CSNK2A2: variants seen among roughly 807,000 people sequenced by gnomAD.
CSNK2A2 encodes casein kinase II subunit alpha'.
Under a neutral mutation model 54.0 loss-of-function variants are expected in CSNK2A2, and 8 were observed. The observed-to-expected ratio is 0.15, with a 90% CI of 0.09 to 0.27. The LOEUF (loss-of-function observed/expected upper bound fraction) is 0.27. Among genes scored for constraint, CSNK2A2 ranks in the 10% least tolerant of loss-of-function variants. CSNK2A2 has a pLI of 1.00. For synonymous variants in CSNK2A2, 141 were observed against 153.9 expected (o/e 0.92, Z 0.62); for missense variants, 242 against 439.4 (o/e 0.55, Z 4.02).
rs533707002 is a variant in CSNK2A2, at chr16:58,165,538, AAC to A, written c.976+20_976+21del. 462 of 1,593,956 alleles carry A rather than the reference AAC, an allele frequency of 2.9e-4. No homozygotes were observed. In the African/African-American group the frequency reaches 5.7e-3, roughly 20 times the overall value. ...GTTCTCTTGACTGAATTACTCCCTG[AAC>A]ACAGTCCCTGGAGACTCACAGAAGT... On this transcript the variant is annotated intron_variant, in intron 10 of 11. Coordinates refer to ENST00000262506, the MANE Select transcript of CSNK2A2 (RefSeq NM_001896.4).
At chr16:58,162,101 T>C (rs1597106002) in intron 11 of CSNK2A2, 4 of 148,694 alleles carry the variant, frequency 2.7e-5, no homozygotes, top group Admixed American at 6.7e-5. Flanking sequence ...AAGGGAGGGC[T>C]GAGGAGTGGG....
chr16:58,194,821 G>T (rs1303106547), intron 2 of CSNK2A2, among the ~76,000 whole-genome samples: 1 of 152,076 alleles, frequency 6.6e-6, no homozygotes, highest in Non-Finnish European at 1.5e-5. Flanking sequence ...AAAGTAGGGG[G>T]AAAGCTAGAG....
intron 4 of CSNK2A2, among the ~76,000 whole-genome samples, chr16:58,177,566 A>C (rs1345577839): frequency 1.3e-5 from 2 of 152,150 alleles, no homozygotes; most frequent in Admixed American, 6.5e-5. Context: ...CAGCTGCATC[A>C]CCATGAGCCA....
intron 4 of CSNK2A2, among the ~76,000 whole-genome samples, chr16:58,180,094 A>AG (rs1398646003): frequency 4.9e-4 from 74 of 151,570 alleles, no homozygotes; most frequent in African/African-American, 1.7e-3. Flanking sequence ...AAAAAAAAAA[A>AG]AGAAAAAGAG....
At chr16:58,167,530 C>A (rs1329331452) in intron 7 of CSNK2A2, among the ~76,000 whole-genome samples, 155 bp downstream of exon 7, 1 of 151,952 alleles carries the variant, frequency 6.6e-6, no homozygotes, top group Admixed American at 6.6e-5. Flanking sequence ...TTCTCTGTCC[C>A]CCCAAAAAAC....
chr16:58,161,550 GACACACACACAGACACACAC>G (rs1961369872), intron 11 of CSNK2A2: 5 of 128,100 alleles, frequency 3.9e-5, no homozygotes, highest in African/African-American at 2.3e-4. Flanking sequence ...CACACACACA[GACACACACACAGACACACAC>G]ACAGACACAC....
intron 11 of CSNK2A2, chr16:58,162,999 A>G (rs1043650424): frequency 1.3e-5 from 2 of 152,132 alleles, no homozygotes; most frequent in Admixed American, 6.5e-5. Context: ...TTACAAATGC[A>G]TATTACCCTG....
At chr16:58,174,547 T>C in intron 4 of CSNK2A2, 37 bp from the exon 5 acceptor site, 1 of 1,535,272 alleles carries the variant, frequency 6.5e-7, no homozygotes, top group Non-Finnish European at 9.0e-7. Context: ...GTTAATTTAG[T>C]CTCACTGCAT....
At chr16:58,181,277 T>C (rs745657804) in intron 4 of CSNK2A2, among the ~76,000 whole-genome samples, 2 of 152,076 alleles carry the variant, frequency 1.3e-5, no homozygotes, top group Non-Finnish European at 2.9e-5. Context: ...ACCTCAGAAA[T>C]GTTCAGGACG....
At chr16:58,165,804 A>ATT in intron 9 of CSNK2A2, 96 bp from the exon 10 acceptor site, 1 of 1,316,898 alleles carries the variant, frequency 7.6e-7, no homozygotes, top group Non-Finnish European at 1.0e-6. Context: ...AGAATAATGT[A>ATT]CTGATTACAA....
intron 4 of CSNK2A2, among the ~76,000 whole-genome samples, chr16:58,182,609 T>G (rs1042500013): frequency 6.7e-6 from 1 of 148,622 alleles, no homozygotes; most frequent in Admixed American, 6.7e-5. Flanking sequence ...ATTTTACACA[T>G]GTAGCAGACA....
intron 6 of CSNK2A2, 62 bp downstream of exon 6, chr16:58,168,548 C>T (rs1961638688): frequency 1.4e-6 from 2 of 1,415,584 alleles, no homozygotes; most frequent in African/African-American, 1.4e-5. Context: ...TGGCACTGGA[C>T]AGCTTTTTGG....
rs377576004 is a variant in CSNK2A2, at chr16:58,196,723, G to A, written c.216+10C>T. On this transcript the variant is annotated intron_variant, in intron 2 of 11. Coordinates refer to ENST00000262506, the MANE Select transcript of CSNK2A2 (RefSeq NM_001896.4). ...AGGAAAATGTTACATACCACTCATA[G>A]GACACTCACCTTCAGGATTTTTACA... is the stretch of plus-strand genomic sequence containing the variant. The A allele has an allele frequency of 2.2e-5, 34 of 1,570,148 alleles. No homozygotes were observed. Among genetic ancestry groups the A allele is most frequent in the Non-Finnish European group, 2.6e-5 (30 of 1,140,046 alleles).
chr16:58,193,666 G>A (rs1962368052), intron 2 of CSNK2A2, among the ~76,000 whole-genome samples: 1 of 152,112 alleles, frequency 6.6e-6, no homozygotes, highest in Non-Finnish European at 1.5e-5. Flanking sequence ...TGTCAAAGGT[G>A]GCCACTTTTA....
At chr16:58,169,199 T>G (rs1961661901) in intron 5 of CSNK2A2, among the ~76,000 whole-genome samples, 1 of 151,988 alleles carries the variant, frequency 6.6e-6, no homozygotes, top group African/African-American at 2.4e-5. Flanking sequence ...GTACTGGGAT[T>G]ACAGGTGTGA....
intron 5 of CSNK2A2, among the ~76,000 whole-genome samples, chr16:58,171,791 ATTATT>A (rs935256190): frequency 1.3e-5 from 2 of 150,870 alleles, no homozygotes; most frequent in Non-Finnish European, 3.0e-5. Flanking sequence ...ATTTTATTTT[ATTATT>A]TTATTTTTTT....
In CSNK2A2 at chr16:58,178,112, C is replaced by T. The variant is rs539527156; in HGVS notation, c.370-3602G>A. Among the ~76,000 whole-genome samples, 4 of 152,276 alleles carry T rather than the reference C, an allele frequency of 2.6e-5. No individual in the cohort carries two copies. The South Asian group carries it at 6.2e-4, about 24-fold the overall frequency. ...CAACCTCTAACAGAATTAACAAGGC[C>T]TCACATTATTTACTAAGTGGTGATT... On this transcript the variant is annotated intron_variant, in intron 4 of 11. Transcript: ENST00000262506.
chr16:58,169,217 T>C (rs955565744), intron 5 of CSNK2A2, among the ~76,000 whole-genome samples: 2 of 151,394 alleles, frequency 1.3e-5, no homozygotes, highest in African/African-American at 2.4e-5. Context: ...TGAGCCACTG[T>C]GCCCAGCCGA....
At chr16:58,168,765 T>C in intron 5 of CSNK2A2, 72 bp from the exon 6 acceptor site, 2 of 1,175,676 alleles carry the variant, frequency 1.7e-6, no homozygotes, top group Non-Finnish European at 2.5e-6. Flanking sequence ...ATAGTCTTAT[T>C]GTTTGTGACA....
Sources: allele counts gnomAD v4.1 joint callset (sites outside exome capture counted in the v4.1 genomes callset), GRCh38; gene constraint gnomAD v4.1.1; transcripts MANE v1.5; gene names NCBI Gene and HGNC (gene_info 2026-07-23, HGNC 2026-07-21).